Variants in KIF18B observed in about 807,000 individuals in gnomAD.
The protein encoded by KIF18B is kinesin-like protein KIF18B.
KIF18B carries 49 observed loss-of-function variants against 80.9 expected under a neutral mutation model. The observed-to-expected ratio is 0.61, with a 90% CI of 0.48 to 0.77. The LOEUF (loss-of-function observed/expected upper bound fraction) is 0.77. Among genes scored for constraint, KIF18B ranks in the 30% least tolerant of loss-of-function variants. KIF18B has a pLI of 0.00. For missense variants in KIF18B, 994 were observed against 1,127.7 expected, an observed-to-expected ratio of 0.88 and a Z score of 1.70; for synonymous variants, 439 against 463.9, an observed-to-expected ratio of 0.95 and a Z score of 0.69.
intron 1 of KIF18B, among the ~76,000 whole-genome samples, chr17:44,938,957 T>C (rs534777611): frequency 1.3e-5 from 2 of 151,524 alleles, no homozygotes; most frequent in South Asian, 4.2e-4. Context: ...GGCAGGAGAA[T>C]GGCTTGAACC....
At chr17:44,933,089 A>G in intron 7 of KIF18B, 103 bp from the exon 8 acceptor site, 1 of 1,024,888 alleles carries the variant, frequency 9.8e-7, no homozygotes, top group South Asian at 1.5e-5. Context: ...CCACGTCCCC[A>G]TGACCCACCC....
Position 44,926,618 on chromosome 17 carries a change from C to A in KIF18B, c.2367-119G>T, listed in dbSNP as rs1011761528. On this transcript the variant is annotated intron_variant, in intron 14 of 15. Coordinates refer to ENST00000593135, the MANE Select transcript of KIF18B (RefSeq NM_001265577.2). ...AGCCCTGAGAGCAAAGGCTGCTGGG[C>A]ACCAGCAGGAGCTTCCAGAGCTGGA... The A allele has an allele frequency of 1.8e-5, 18 of 1,007,778 alleles. No individual in the cohort carries two copies. The African/African-American group carries it at 2.5e-4, about 14-fold the overall frequency. 62.4% of individuals were successfully genotyped at this position (1,007,778 alleles called of 1,614,324 possible).
In KIF18B at chr17:44,924,997, T is replaced by A. The variant is rs1444227236; in HGVS notation, c.*1083A>T. 1.3e-5 allele frequency: 2 copies of A among 152,132 alleles called. No homozygotes were observed. The highest frequency in any genetic ancestry group is 4.8e-5 in the African/African-American group (2 of 41,414). The allele number at this position is 152,132 out of a possible 1,614,324, so 9.4% of individuals were successfully genotyped here. A position where few individuals can be genotyped will look rare whatever the true frequency, so the allele number is the denominator to read the frequency against. On this transcript the variant is annotated 3_prime_UTR_variant, in exon 16 of 16. Coordinates refer to ENST00000593135, the MANE Select transcript of KIF18B (RefSeq NM_001265577.2). ...GGACCAAGGGGAGTAGGGATGAAGA[T>A]GTCCCTCTCAGAAACCAGGAAGAGC...
In KIF18B at chr17:44,935,270, T is replaced by C; in HGVS notation, c.460A>G (p.Ser154Gly). The change falls in exon 3 of 16, where the codon AGC (serine) becomes GGC (glycine). Residue 154 changes from serine (S) to glycine (G), a missense_variant. Ser to Gly is a moderately conservative substitution (Grantham distance 56). Transcript: ENST00000593135. ...QQEKHFEVLI[S>G]YQEVYNEQIH... ...CAGGGGCAGCCGACCTCCTGGTAGC[T>C]GATGAGCACCTCGAAGTGCTTCTCC... 6.2e-7 allele frequency: 1 copy of C among 1,606,006 alleles called. No homozygotes were observed. The highest frequency in any genetic ancestry group is 1.3e-5 in the African/African-American group (1 of 74,814).
Position 44,926,054 on chromosome 17 carries a change from C to T in KIF18B, c.*26G>A. The T allele has an allele frequency of 2.5e-6, 4 of 1,613,600 alleles. No homozygotes were observed. Among genetic ancestry groups the T allele is most frequent in the African/African-American group, 2.7e-5 (2 of 75,000 alleles). ...GCAGAGGGGCCGGTAGGTTAGGACACCTTGGTGGTCAGGACATTCTGGCGG... is the reference window on the plus strand; with the variant it reads ...GCAGAGGGGCCGGTAGGTTAGGACATCTTGGTGGTCAGGACATTCTGGCGG... On this transcript the variant is annotated 3_prime_UTR_variant, in exon 16 of 16. Coordinates refer to ENST00000593135, the MANE Select transcript of KIF18B (RefSeq NM_001265577.2).
At position 44,932,810 on chromosome 17, in the gene KIF18B, C is replaced by T. The variant is rs777946998; in HGVS notation, c.1138-37G>A. The T allele has an allele frequency of 2.5e-6, 4 of 1,593,656 alleles. No individual in the cohort carries two copies. In the East Asian group the frequency reaches 6.7e-5, roughly 27 times the overall value. On this transcript the variant is annotated intron_variant, in intron 8 of 15. Coordinates refer to ENST00000593135, the MANE Select transcript of KIF18B (RefSeq NM_001265577.2). ...GCAGCCCAGCCCCTGAGAGCCCCAG[C>T]TAAGCACAGGAGGGGAGGGGCAGAC...
chr17:44,930,325 A>G (rs2052119654), intron 11 of KIF18B, among the ~76,000 whole-genome samples: 1 of 152,208 alleles, frequency 6.6e-6, no homozygotes, highest in South Asian at 2.1e-4. Flanking sequence ...CTAAATCTGG[A>G]GTTTTCAAAT....
chr17:44,936,109 GC>G lies in KIF18B; in HGVS notation c.235del (p.Ala79ArgfsTer53). ...CTGGAACACGTCCTGTTGGGTGGCC[GC>G]CTCGCCAAAGACCCGGTCAAAGACA... ...TFVFDRVFGE[A>X]ATQQDVFQHT... On this transcript the variant is annotated frameshift_variant, in exon 2 of 16. Coordinates refer to ENST00000593135, the MANE Select transcript of KIF18B (RefSeq NM_001265577.2). LOFTEE classifies it high-confidence loss of function. 6.2e-7 allele frequency: 1 copy of G among 1,613,794 alleles called. No homozygotes were observed. Among genetic ancestry groups the G allele is most frequent in the Non-Finnish European group, 8.5e-7 (1 of 1,179,886 alleles).
In KIF18B at chr17:44,934,371, C is replaced by T; in HGVS notation, c.747G>A (p.Lys249=). 1 of 1,607,208 alleles carries T rather than the reference C, an allele frequency of 6.2e-7. No individual in the cohort carries two copies. The highest frequency in any genetic ancestry group is 8.5e-7 in the Non-Finnish European group (1 of 1,176,690). ...PGLTQAVQVA[K]MSLIDLAGSE... ...AGCCAGCCAGGTCAATCAGGCTCAT[C>T]TTGGCCACCTGGACAGCCTGGGTCA... The change falls in exon 6 of 16, where the codon AAG becomes AAA. Residue 249 remains lysine (K), a synonymous_variant. Transcript: ENST00000593135. This position sits in a 1 kb window ranked among gnomAD's most constrained non-coding sequence, Gnocchi z 5.4.
rs564093322 is a variant in KIF18B, at chr17:44,933,113, G to C, written c.1063-127C>G. 13 of 758,528 alleles carry C rather than the reference G, an allele frequency of 1.7e-5. No homozygotes were observed. The African/African-American group carries it at 2.1e-4, about 12-fold the overall frequency. 47.0% of individuals were successfully genotyped at this position (758,528 alleles called of 1,614,324 possible). A position where few individuals can be genotyped will look rare whatever the true frequency, so the allele number is the denominator to read the frequency against. On this transcript the variant is annotated intron_variant, in intron 7 of 15. Transcript: ENST00000593135. ...CATGACCCACCCTCGCAAGTGGGGA[G>C]ACACAGCAGAGAAGGTCAGTATCAT... is the stretch of plus-strand genomic sequence containing the variant.
chr17:44,933,887 T>C (rs1224803000), intron 7 of KIF18B, 36 bp downstream of exon 7: 1 of 1,527,642 alleles, frequency 6.5e-7, no homozygotes, highest in Non-Finnish European at 8.8e-7. Context: ...CGGCTGGAGC[T>C]GCCCCACGCC....
rs1438433919 is a variant in KIF18B, at chr17:44,928,451, T to TG, written c.1850dup (p.Ala618SerfsTer48). 6.5e-7 allele frequency: 1 copy of TG among 1,536,446 alleles called. No homozygotes were observed. The highest frequency in any genetic ancestry group is 2.0e-5 in the Admixed American group (1 of 50,656). Reference sequence around the variant, plus strand: ...CCATGGGCCATCGGGACCCCTGGGCTGGGGTGCAGTTGGGTCCAGGCGGGA... The same window carrying TG: ...CCATGGGCCATCGGGACCCCTGGGCTGGGGGTGCAGTTGGGTCCAGGCGGGA... On this transcript the variant is annotated frameshift_variant, in exon 13 of 16. Transcript: ENST00000593135. LOFTEE classifies it high-confidence loss of function.
At chr17:44,936,387 C>G (rs1327269279) in intron 1 of KIF18B, 29 bp from the exon 2 acceptor site, 1 of 1,558,240 alleles carries the variant, frequency 6.4e-7, no homozygotes, top group African/African-American at 1.4e-5. Context: ...AGCTGAGGAC[C>G]AATCCCACCC....
intron 1 of KIF18B, among the ~76,000 whole-genome samples, chr17:44,939,963 C>A (rs2052385736): frequency 6.6e-6 from 1 of 152,208 alleles, no homozygotes; most frequent in Non-Finnish European, 1.5e-5. Context: ...GCCACCACGC[C>A]CAGCTAATTT....
intron 1 of KIF18B, among the ~76,000 whole-genome samples, chr17:44,936,940 C>A (rs914226349): frequency 1.3e-5 from 2 of 151,722 alleles, no homozygotes; most frequent in African/African-American, 4.8e-5. Flanking sequence ...CCGCGCCAGG[C>A]CTCAAATGAC....
At chr17:44,945,870 C>T (rs180764832) in intron 1 of KIF18B, among the ~76,000 whole-genome samples, 2 of 145,810 alleles carry the variant, frequency 1.4e-5, no homozygotes, top group Non-Finnish European at 3.0e-5. Flanking sequence ...GGTACCATTG[C>T]ACTCCAGCCT....
At chr17:44,941,867 C>T (rs1262972647) in intron 1 of KIF18B, among the ~76,000 whole-genome samples, 1 of 152,218 alleles carries the variant, frequency 6.6e-6, no homozygotes, top group East Asian at 1.9e-4. Context: ...TGCTCATAAC[C>T]TTTACAGTTC....
rs752355477 is a variant in KIF18B, at chr17:44,928,289, C to A, written c.2013G>T (p.Gly671=). The A allele has an allele frequency of 6.2e-7, 1 of 1,613,318 alleles. No individual in the cohort carries two copies. The highest frequency in any genetic ancestry group is 1.1e-5 in the South Asian group (1 of 91,016). ...CCCTTTCTCCTTTGGGGGTGCTGGG[C>A]CCCTGTGAAGGTTGGGTGTCAGGCA... ...GSLPDTQPSQ[G]PSTPKGERAS... The change falls in exon 13 of 16, where the codon GGG becomes GGT. Residue 671 remains glycine (G), a synonymous_variant. Transcript: ENST00000593135.
intron 11 of KIF18B, among the ~76,000 whole-genome samples, chr17:44,931,107 T>A (rs113228613): frequency 3.2e-4 from 49 of 152,304 alleles, no homozygotes; most frequent in African/African-American, 1.1e-3. Flanking sequence ...ATAGAAAGAA[T>A]GGTCCAAAAT....
Sources: allele counts gnomAD v4.1 joint callset (sites outside exome capture counted in the v4.1 genomes callset), GRCh38; gene constraint gnomAD v4.1.1; non-coding constraint Gnocchi (gnomAD v3.1); transcripts MANE v1.5; gene names NCBI Gene and HGNC (gene_info 2026-07-23, HGNC 2026-07-21).